Variants in SOS1 observed in about 807,000 individuals in gnomAD.
SOS1 encodes SOS Ras/Rac guanine nucleotide exchange factor 1, also known as son of sevenless homolog 1.
SOS1 carries 25 observed loss-of-function variants against 157.6 expected under a neutral mutation model. The observed-to-expected ratio is 0.16, with a 90% CI of 0.12 to 0.22. The LOEUF (loss-of-function observed/expected upper bound fraction) is 0.22. SOS1 is among the 10% of genes least tolerant of loss of function. The probability of loss-of-function intolerance (pLI) is 1.00; values close to 1 mark genes in which losing one functional copy is unlikely to be tolerated. For missense variants in SOS1, 1,237 were observed against 1,599.1 expected, an observed-to-expected ratio of 0.77 and a Z score of 3.86; for synonymous variants, 528 against 534.0, an observed-to-expected ratio of 0.99 and a Z score of 0.16.
chr2:39,082,835 G>A (rs1248572139), intron 1 of SOS1: 1 of 152,180 alleles, frequency 6.6e-6, no homozygotes, highest in Non-Finnish European at 1.5e-5. Flanking sequence ...AGAAAGAATT[G>A]TACTTTGGGG....
chr2:39,040,606 T>TA, intron 6 of SOS1, among the ~76,000 whole-genome samples: 1 of 152,242 alleles, frequency 6.6e-6, no homozygotes, highest in Non-Finnish European at 1.5e-5. Flanking sequence ...TGGCTTATTT[T>TA]ATTAGCATAA....
At chr2:39,030,896 G>C (rs1670137768) in intron 8 of SOS1, among the ~76,000 whole-genome samples, 1 of 152,148 alleles carries the variant, frequency 6.6e-6, no homozygotes, top group Non-Finnish European at 1.5e-5. Context: ...GACACATAGA[G>C]AAGAACGTGA....
chr2:39,078,698 G>A (rs1304487834), intron 1 of SOS1, among the ~76,000 whole-genome samples: 1 of 152,128 alleles, frequency 6.6e-6, no homozygotes, highest in Non-Finnish European at 1.5e-5. Context: ...AGGTGAAAGA[G>A]TTTTATCCCC....
intron 8 of SOS1, among the ~76,000 whole-genome samples, chr2:39,025,808 A>C (rs773761428): frequency 6.6e-6 from 1 of 152,224 alleles, no homozygotes; most frequent in Non-Finnish European, 1.5e-5. Flanking sequence ...GCGCATGCAC[A>C]TACCACATGC....
chr2:39,074,117 A>C (rs554675141), intron 1 of SOS1, among the ~76,000 whole-genome samples: 1 of 152,192 alleles, frequency 6.6e-6, no homozygotes. Flanking sequence ...TGGGAGGCCG[A>C]GGTGGGTGGA....
intron 1 of SOS1, among the ~76,000 whole-genome samples, chr2:39,091,699 A>G (rs989444773): frequency 1.3e-5 from 2 of 152,190 alleles, no homozygotes; most frequent in Non-Finnish European, 2.9e-5. Flanking sequence ...CCTTTTCTAT[A>G]CCAGCCCCCC....
At chr2:39,068,506 T>G (rs1671668979) in intron 1 of SOS1, among the ~76,000 whole-genome samples, 1 of 152,172 alleles carries the variant, frequency 6.6e-6, no homozygotes, top group Non-Finnish European at 1.5e-5. Flanking sequence ...TCTCATCAAG[T>G]TCACCAGTGT....
At chr2:39,026,085 G>A (rs1029742030) in intron 8 of SOS1, among the ~76,000 whole-genome samples, 4 of 152,118 alleles carry the variant, frequency 2.6e-5, no homozygotes, top group Admixed American at 1.3e-4. Flanking sequence ...GGCTGGGCAC[G>A]GTGGTTCATG....
At chr2:39,106,274 T>C (rs1234179594) in intron 1 of SOS1, among the ~76,000 whole-genome samples, 4 of 151,584 alleles carry the variant, frequency 2.6e-5, no homozygotes, top group Admixed American at 6.6e-5. Context: ...CTGTTACAGT[T>C]TTAAAAAAAA....
chr2:39,080,803 C>A (rs1290918677), intron 1 of SOS1, among the ~76,000 whole-genome samples: 1 of 151,670 alleles, frequency 6.6e-6, no homozygotes, highest in African/African-American at 2.4e-5. Flanking sequence ...AATTTGTTGG[C>A]TATCAATAAA....
At position 39,120,890 on chromosome 2, in the gene SOS1, CGGGGCGGAGCT is replaced by C. The variant is rs149710810; in HGVS notation, c.-479_-469del. The C allele has an allele frequency of 0.068, 10,389 of 153,482 alleles. 485 individuals carry two copies. The highest frequency in any genetic ancestry group is 0.2 in the East Asian group (1,009 of 5,132). 9.5% of individuals were successfully genotyped at this position (153,482 alleles called of 1,614,324 possible). On this transcript the variant is annotated 5_prime_UTR_variant, in exon 1 of 23. Coordinates refer to ENST00000402219, the MANE Select transcript of SOS1 (RefSeq NM_005633.4). ...GACTCCGAAACGCAAGAGCCCCGGG[CGGGGCGGAGCT>C]GGGGCGGAGGTCTCGCGGGGAAGGG...
intron 20 of SOS1, chr2:38,993,654 G>C (rs1668799699): frequency 1.3e-5 from 2 of 152,116 alleles, no homozygotes; most frequent in African/African-American, 2.4e-5. Flanking sequence ...TTGACCCCCA[G>C]AAGGCACAGA....
At chr2:39,044,840 GTACACACACA>G (rs1670697266) in intron 6 of SOS1, among the ~76,000 whole-genome samples, 1 of 137,396 alleles carries the variant, frequency 7.3e-6, no homozygotes, top group African/African-American at 2.8e-5. Context: ...GGATGACTGT[GTACACACACA>G]TGCGCGCGCG....
At chr2:39,047,985 C>T (rs1353672940) in intron 6 of SOS1, among the ~76,000 whole-genome samples, 2 of 152,162 alleles carry the variant, frequency 1.3e-5, no homozygotes, top group East Asian at 1.9e-4. Context: ...CTTAATATAC[C>T]CCAGATATGA....
chr2:39,023,664 C>A, intron 9 of SOS1: 2 of 267,914 alleles, frequency 7.5e-6, no homozygotes, highest in Middle Eastern at 1.4e-3. Flanking sequence ...TGAATTAATG[C>A]CTCAAGTTAT....
At chr2:39,038,354 G>C (rs927236102) in intron 6 of SOS1, among the ~76,000 whole-genome samples, 1 of 152,180 alleles carries the variant, frequency 6.6e-6, no homozygotes. Flanking sequence ...AATAGGATTA[G>C]AAGTGGAGCC....
intron 6 of SOS1, among the ~76,000 whole-genome samples, chr2:39,047,577 T>A (rs1237265226): frequency 6.6e-6 from 1 of 152,230 alleles, no homozygotes; most frequent in Non-Finnish European, 1.5e-5. Context: ...AAGTACCTAC[T>A]TAAGTCTTTT....
intron 1 of SOS1, among the ~76,000 whole-genome samples, chr2:39,113,533 GC>G (rs1287015818): frequency 6.6e-6 from 1 of 151,614 alleles, no homozygotes; most frequent in Non-Finnish European, 1.5e-5. Flanking sequence ...AGGCCATGGT[GC>G]AAAAATAAAT....
At chr2:39,096,460 T>C (rs1166799759) in intron 1 of SOS1, among the ~76,000 whole-genome samples, 2 of 152,230 alleles carry the variant, frequency 1.3e-5, no homozygotes, top group East Asian at 1.9e-4. Flanking sequence ...TATCAGGCTA[T>C]ATTCATGTAT....
Sources: gnomAD v4.1 joint callset for allele counts (sites outside exome capture counted in the v4.1 genomes callset) on GRCh38, gnomAD v4.1.1 for gene constraint, MANE v1.5 for transcripts, NCBI Gene and HGNC (gene_info 2026-07-23, HGNC 2026-07-21) for gene names.